SCD5: variants seen among roughly 807,000 people sequenced by gnomAD.
The protein encoded by SCD5 is acyl-CoA-desaturase 4.
Under a neutral mutation model 30.4 loss-of-function variants are expected in SCD5, and 20 were observed. The ratio of observed to expected loss-of-function variants is 0.66; its 90% CI spans 0.46 to 0.96. The LOEUF (loss-of-function observed/expected upper bound fraction) is 0.96, where lower values mean the gene tolerates loss of function less well. Among genes scored for constraint, SCD5 ranks in the 40% least tolerant of loss-of-function variants. The probability of loss-of-function intolerance (pLI) is 0.00; values close to 1 mark genes in which losing one functional copy is unlikely to be tolerated. For missense variants in SCD5, 381 were observed against 443.3 expected, an observed-to-expected ratio of 0.86 and a Z score of 1.26; for synonymous variants, 173 against 176.4, an observed-to-expected ratio of 0.98 and a Z score of 0.16.
chr4:82,639,809 C>T (rs565891630), intron 3 of SCD5, among the ~76,000 whole-genome samples: 1 of 152,330 alleles, frequency 6.6e-6, no homozygotes, highest in Admixed American at 6.5e-5. Context: ...ACTCCAGCAG[C>T]TTCCTCTCCT....
At chr4:82,777,368 A>G (rs930905051) in intron 1 of SCD5, among the ~76,000 whole-genome samples, 1 of 152,232 alleles carries the variant, frequency 6.6e-6, no homozygotes, top group African/African-American at 2.4e-5. Flanking sequence ...TCAGATATCC[A>G]GTGCAATCAA....
In SCD5 at chr4:82,752,498, T is replaced by C. The variant is rs542623597; in HGVS notation, c.232+45808A>G. Among the ~76,000 whole-genome samples the C allele has an allele frequency of 2.2e-3, 339 of 152,244 alleles. 1 individual carries two copies. Among genetic ancestry groups the C allele is most frequent in the African/African-American group, 7.6e-3 (316 of 41,548 alleles). On this transcript the variant is annotated intron_variant, in intron 1 of 4. Coordinates refer to ENST00000319540, the MANE Select transcript of SCD5 (RefSeq NM_001037582.3). Reference sequence around the variant, plus strand: ...CTGCATAAACCAAAAGCTGTCACTATAATTCAAGGATAATTGGAACAAATG... The same window carrying C: ...CTGCATAAACCAAAAGCTGTCACTACAATTCAAGGATAATTGGAACAAATG...
At chr4:82,666,929 A>G (rs1728202600) in intron 3 of SCD5, among the ~76,000 whole-genome samples, 2 of 152,244 alleles carry the variant, frequency 1.3e-5, no homozygotes, top group Non-Finnish European at 2.9e-5. Flanking sequence ...ATGCAGGTAC[A>G]TAGTAAGCAG....
rs553532345 is a variant in SCD5 at position 82,682,397 on chromosome 4, AT to A, written c.364-1486del. Among the ~76,000 whole-genome samples the A allele has an allele frequency of 5.2e-3, 789 of 151,920 alleles. 3 individuals carry two copies. Among genetic ancestry groups the A allele is most frequent in the South Asian group, 0.012 (58 of 4,812 alleles). The stretch of plus-strand genomic sequence containing the variant: ...GATCTACAGACGTTTTTTTACACTA[AT>A]TTTTTTTTAAATCTGATGATGCTTT... On this transcript the variant is annotated intron_variant, in intron 2 of 4. Coordinates refer to ENST00000319540, the MANE Select transcript of SCD5 (RefSeq NM_001037582.3).
chr4:82,660,977 G>A (rs1329240173), intron 3 of SCD5: 1 of 1,614,080 alleles, frequency 6.2e-7, no homozygotes, highest in Admixed American at 1.7e-5. Context: ...TGTAATCCGG[G>A]AAGGGTGACT....
chr4:82,784,385 G>A (rs779334235), intron 1 of SCD5, among the ~76,000 whole-genome samples: 4 of 152,096 alleles, frequency 2.6e-5, no homozygotes, highest in Non-Finnish European at 5.9e-5. Context: ...ACCTAAATCT[G>A]CAGTGCCATC....
chr4:82,749,606 G>A (rs781180062), intron 1 of SCD5, among the ~76,000 whole-genome samples: 7 of 152,190 alleles, frequency 4.6e-5, no homozygotes, highest in Non-Finnish European at 1.0e-4. Context: ...CTTAGAAACA[G>A]CTCAGTGTCT....
At chr4:82,637,693 C>T (rs561565717) in intron 3 of SCD5, among the ~76,000 whole-genome samples, 2 of 152,310 alleles carry the variant, frequency 1.3e-5, no homozygotes, top group Admixed American at 1.3e-4. Context: ...CCTTGGCCTC[C>T]CGCAGCCTAA....
intron 1 of SCD5, among the ~76,000 whole-genome samples, chr4:82,766,546 T>C (rs1732801228): frequency 1.3e-5 from 2 of 152,234 alleles, no homozygotes; most frequent in African/African-American, 4.8e-5. Context: ...TGTCCACTAA[T>C]TCTTTCATAA....
At chr4:82,725,534 C>G (rs1443496571) in intron 1 of SCD5, among the ~76,000 whole-genome samples, 1 of 150,802 alleles carries the variant, frequency 6.6e-6, no homozygotes, top group East Asian at 1.9e-4. Flanking sequence ...ATTAGCTCAC[C>G]CATGGACATT....
intron 1 of SCD5, chr4:82,775,530 A>T (rs7657706): frequency 0.25 from 38,557 of 152,196 alleles, 5,576 homozygotes; most frequent in African/African-American, 0.4. Context: ...ATTTGCTGCA[A>T]GAACTGCACC....
At chr4:82,699,355 A>G (rs1051507181) in intron 2 of SCD5, among the ~76,000 whole-genome samples, 3 of 152,090 alleles carry the variant, frequency 2.0e-5, no homozygotes, top group Non-Finnish European at 4.4e-5. Context: ...AATGAGGAAA[A>G]TAATAGTACC....
intron 1 of SCD5, among the ~76,000 whole-genome samples, chr4:82,779,084 C>T (rs1466667759): frequency 2.6e-5 from 4 of 152,004 alleles, no homozygotes; most frequent in East Asian, 1.9e-4. Context: ...AGGCTGGTCT[C>T]GAACTCCCGA....
intron 2 of SCD5, among the ~76,000 whole-genome samples, chr4:82,704,035 G>A (rs1294682029): frequency 6.6e-6 from 1 of 152,170 alleles, no homozygotes; most frequent in African/African-American, 2.4e-5. Context: ...ACTAATACCT[G>A]ATGTGCTTGA....
intron 1 of SCD5, among the ~76,000 whole-genome samples, chr4:82,714,653 G>A (rs1720186789): frequency 6.6e-6 from 1 of 151,950 alleles, no homozygotes; most frequent in Admixed American, 6.6e-5. Context: ...GGTCTGGAAG[G>A]GACTCATATA....
At chr4:82,729,914 C>T (rs1279760775) in intron 1 of SCD5, among the ~76,000 whole-genome samples, 2 of 152,136 alleles carry the variant, frequency 1.3e-5, no homozygotes, top group African/African-American at 4.8e-5. Flanking sequence ...ATTAGCTCCC[C>T]CACTATTTAC....
At chr4:82,641,253 CAAAAAAAAAAA>C (rs10708492) in intron 3 of SCD5, among the ~76,000 whole-genome samples, 46 of 52,224 alleles carry the variant, frequency 8.8e-4, no homozygotes, top group African/African-American at 2.5e-3. Flanking sequence ...AACTCCATCT[CAAAAAAAAAAA>C]AAAAAAAAAA....
chr4:82,723,519 T>C (rs984182739), intron 1 of SCD5, among the ~76,000 whole-genome samples: 8 of 152,266 alleles, frequency 5.3e-5, no homozygotes, highest in Non-Finnish European at 7.3e-5. Context: ...TTGTTCAGTT[T>C]TGTCGATTAC....
chr4:82,794,611 A>T (rs1294795101), intron 1 of SCD5, among the ~76,000 whole-genome samples: 1 of 151,104 alleles, frequency 6.6e-6, no homozygotes, highest in Non-Finnish European at 1.5e-5. Context: ...AAGCCTTCAG[A>T]TGCAGGTTTT....
Sources: gnomAD v4.1 joint callset for allele counts (sites outside exome capture counted in the v4.1 genomes callset) on GRCh38, gnomAD v4.1.1 for gene constraint, MANE v1.5 for transcripts, NCBI Gene and HGNC (gene_info 2026-07-23, HGNC 2026-07-21) for gene names.